NEBL: variants seen among roughly 807,000 people sequenced by gnomAD.
NEBL encodes the protein nebulette.
A neutral mutation model predicts 140.2 loss-of-function variants in NEBL; 122 were observed. The ratio of observed to expected loss-of-function variants is 0.87; its 90% CI spans 0.75 to 1.01. The LOEUF is 1.01. Ranked by LOEUF, NEBL falls within the 50% of genes least tolerant of loss-of-function variation. The pLI is 0.00. For synonymous variants in NEBL, 436 were observed against 398.9 expected (o/e 1.09, Z -1.11); for missense variants, 1,365 against 1,231.3 (o/e 1.11, Z -1.62).
Position 21,274,988 on chromosome 10 carries a change from G to A in NEBL, n.182+17842C>T, listed in dbSNP as rs146035461. Among the ~76,000 whole-genome samples the A allele has an allele frequency of 2.6e-3, 403 of 152,272 alleles. 1 individual carries two copies. The highest frequency in any genetic ancestry group is 4.7e-3 in the Non-Finnish European group (323 of 68,026). On this transcript the variant is annotated intron_variant and non_coding_transcript_variant, in intron 1 of 8. Transcript: ENST00000675702. Reference sequence around the variant, plus strand: ...TGGTTTTGCTGTCTCAGGGAAGGCAGAGGAGGAAGAAAGTCCATGTGTAAG... The same window carrying A: ...TGGTTTTGCTGTCTCAGGGAAGGCAAAGGAGGAAGAAAGTCCATGTGTAAG...
intron 3 of NEBL, among the ~76,000 whole-genome samples, chr10:21,000,707 A>AACAC (rs1837860088): frequency 6.6e-6 from 1 of 152,212 alleles, no homozygotes; most frequent in Admixed American, 6.5e-5. Context: ...ACGAGAAAGC[A>AACAC]ACACCCCAAA....
intron 2 of NEBL, chr10:21,029,329 T>A (rs1833681773): frequency 4.3e-6 from 7 of 1,610,358 alleles, no homozygotes; most frequent in African/African-American, 4.0e-5. Flanking sequence ...GACAGAAGAG[T>A]CAATTAAGGA....
intron 2 of NEBL, chr10:21,146,470 G>A (rs371638676): frequency 1.2e-6 from 2 of 1,613,602 alleles, no homozygotes; most frequent in African/African-American, 2.7e-5. Context: ...CAGGTGCCAT[G>A]CTTTCCATAG....
chr10:20,962,206 T>A (rs1261952901), intron 3 of NEBL, among the ~76,000 whole-genome samples: 1 of 152,110 alleles, frequency 6.6e-6, no homozygotes, highest in African/African-American at 2.4e-5. Flanking sequence ...AAGCTAAATC[T>A]TCTTCTCCTC....
intron 2 of NEBL, among the ~76,000 whole-genome samples, chr10:21,160,825 A>C (rs1020057503): frequency 5.9e-5 from 9 of 151,556 alleles, no homozygotes; most frequent in African/African-American, 2.2e-4. Context: ...GATTAAATTT[A>C]GTTTCAGGAA....
At chr10:21,220,463 G>A (rs1564544720) in intron 3 of NEBL, among the ~76,000 whole-genome samples, 1 of 152,090 alleles carries the variant, frequency 6.6e-6, no homozygotes, top group Non-Finnish European at 1.5e-5. Flanking sequence ...GAGTGAAATT[G>A]GACTTTTATC....
chr10:21,167,808 T>G (rs986093534), intron 2 of NEBL, among the ~76,000 whole-genome samples: 3 of 152,220 alleles, frequency 2.0e-5, no homozygotes, highest in Non-Finnish European at 4.4e-5. Context: ...TGTTATTTTC[T>G]CGGCACCTCT....
intron 3 of NEBL, among the ~76,000 whole-genome samples, chr10:21,226,809 T>C (rs915017661): frequency 3.3e-5 from 5 of 152,196 alleles, no homozygotes; most frequent in African/African-American, 1.2e-4. Context: ...GTGCCTGTTT[T>C]GGTGATATGA....
intron 12 of NEBL, among the ~76,000 whole-genome samples, chr10:20,842,002 A>G (rs546911900): frequency 6.6e-6 from 1 of 152,124 alleles, no homozygotes; most frequent in African/African-American, 2.4e-5. Context: ...TTCTTACTTA[A>G]TTGCGTATGA....
intron 2 of NEBL, among the ~76,000 whole-genome samples, chr10:21,137,390 G>C (rs1221341428): frequency 6.6e-6 from 1 of 152,154 alleles, no homozygotes; most frequent in Non-Finnish European, 1.5e-5. Context: ...TTAACTGTTC[G>C]TATAGCCTTG....
intron 5 of NEBL, among the ~76,000 whole-genome samples, chr10:20,878,818 G>T (rs1029506768): frequency 2.6e-5 from 4 of 152,180 alleles, no homozygotes; most frequent in Non-Finnish European, 5.9e-5. Context: ...AAGGAGAAAA[G>T]GGCTTTATAC....
intron 1 of NEBL, among the ~76,000 whole-genome samples, chr10:21,251,913 C>CA (rs749445545): frequency 1.3e-5 from 2 of 152,134 alleles, no homozygotes; most frequent in African/African-American, 2.4e-5. Flanking sequence ...AAACAGACCT[C>CA]AAAATGGAGA....
intron 3 of NEBL, among the ~76,000 whole-genome samples, chr10:21,014,291 T>A (rs954079881): frequency 2.6e-5 from 4 of 152,058 alleles, no homozygotes; most frequent in Non-Finnish European, 5.9e-5. Flanking sequence ...GCCTGGCCTA[T>A]TTTTTATTAC....
At chr10:21,231,962 C>T (rs560498659) in intron 3 of NEBL, among the ~76,000 whole-genome samples, 10 of 152,284 alleles carry the variant, frequency 6.6e-5, no homozygotes, top group Admixed American at 6.5e-4. Flanking sequence ...TTATACACAA[C>T]TGATCAGCAT....
intron 1 of NEBL, among the ~76,000 whole-genome samples, chr10:21,284,036 T>TAAA (rs5783774): frequency 1.3e-4 from 9 of 67,606 alleles, no homozygotes; most frequent in African/African-American, 3.9e-4. Flanking sequence ...TAATCTGCAC[T>TAAA]AAAAAAAAAA....
At chr10:20,956,234 T>C (rs1017045120) in intron 4 of NEBL, among the ~76,000 whole-genome samples, 4 of 152,222 alleles carry the variant, frequency 2.6e-5, no homozygotes, top group Non-Finnish European at 5.9e-5. Flanking sequence ...GTAATCCTTA[T>C]AGAAATACTT....
At position 20,880,841 on chromosome 10, in the gene NEBL, G is replaced by C. The variant is rs367586213; in HGVS notation, c.433C>G (p.Pro145Ala). 1 of 1,614,046 alleles carries C rather than the reference G, an allele frequency of 6.2e-7. No homozygotes were observed. Among genetic ancestry groups the C allele is most frequent in the South Asian group, 1.1e-5 (1 of 91,082 alleles). Residue 145 changes from proline (P) to alanine (A), a missense_variant, in exon 5 of 28, where the codon CCC (proline) becomes GCC (alanine). Physicochemically the swap from Pro to Ala is conservative, Grantham distance 27. This residue lies in a region of NEBL where 1,323 missense variants were observed against 1,154.8 expected (regional missense o/e 1.15). Coordinates refer to ENST00000377122, the MANE Select transcript of NEBL (RefSeq NM_006393.3). ...GFSDYAHMKE[P>A]PEVKHAMEVN... Reference sequence around the variant, plus strand: ...TCCATGGCATGTTTAACCTCAGGGGGCTCCTTCATGTGGGCATAATCTGAG... The same window carrying C: ...TCCATGGCATGTTTAACCTCAGGGGCCTCCTTCATGTGGGCATAATCTGAG...
rs1374206165 is a variant in NEBL at position 20,807,982 on chromosome 10, A to T, written c.2761+528T>A. 1.7e-5 allele frequency among the ~76,000 whole-genome samples: 2 copies of T among 119,968 alleles called. 1 individual carries two copies. The highest frequency in any genetic ancestry group is 9.4e-5 in the African/African-American group (2 of 21,322). 78.7% of individuals were successfully genotyped at this position (119,968 alleles called of 152,430 possible). ...TAACAATCAATAGTATTTCTCATTT[A>T]AAAAAAAAAAAAAACCCTCTCATAT... On this transcript the variant is annotated intron_variant, in intron 26 of 27. Coordinates refer to ENST00000377122, the MANE Select transcript of NEBL (RefSeq NM_006393.3).
chr10:20,879,417 G>A (rs1050285561), intron 5 of NEBL, among the ~76,000 whole-genome samples: 1 of 152,166 alleles, frequency 6.6e-6, no homozygotes, highest in Non-Finnish European at 1.5e-5. Context: ...AATAATTACA[G>A]ACATGTAGCC....
Sources: gnomAD v4.1 joint callset for allele counts (sites outside exome capture counted in the v4.1 genomes callset) on GRCh38, gnomAD v4.1.1 for gene constraint, gnomAD v4.1.1 regional missense constraint, MANE v1.5 for transcripts, NCBI Gene and HGNC (gene_info 2026-07-23, HGNC 2026-07-21) for gene names.